The following ANKDD1A variants were observed in gnomAD, a reference collection of about 807,000 sequenced individuals.
The protein encoded by ANKDD1A is ankyrin repeat and death domain containing 1A.
Under a neutral mutation model 63.5 loss-of-function variants are expected in ANKDD1A, and 59 were observed. The observed-to-expected ratio is 0.93, with a 90% CI of 0.75 to 1.15. ANKDD1A has a LOEUF of 1.15. ANKDD1A is among the 50% of genes most tolerant of loss of function. The probability of loss-of-function intolerance (pLI) is 0.00; values close to 1 mark genes in which losing one functional copy is unlikely to be tolerated. For missense variants in ANKDD1A, 632 were observed against 656.4 expected, an observed-to-expected ratio of 0.96 and a Z score of 0.41; for synonymous variants, 266 against 263.9, an observed-to-expected ratio of 1.01 and a Z score of -0.08.
At chr15:64,937,151 T>C (rs2085140299) in intron 9 of ANKDD1A, among the ~76,000 whole-genome samples, 2 of 150,284 alleles carry the variant, frequency 1.3e-5, no homozygotes, top group Non-Finnish European at 2.9e-5. Context: ...TGTAGGGAAA[T>C]AGACACCTTC....
At chr15:64,952,857 CTTCTTCTTTTCTTCTCT>C (rs1319103002) in intron 14 of ANKDD1A, among the ~76,000 whole-genome samples, 1,236 of 21,242 alleles carry the variant, frequency 0.058, 23 homozygotes, top group African/African-American at 0.078. Context: ...GTCTCTTCTC[CTTCTTCTTTTCTTCTCT>C]TTCTTCTTCT....
Position 64,948,683 on chromosome 15 carries a change from G to A in ANKDD1A, c.1351+1090G>A, listed in dbSNP as rs540509421. 5.3e-5 allele frequency among the ~76,000 whole-genome samples: 8 copies of A among 151,968 alleles called. No individual in the cohort carries two copies. In the East Asian group the frequency reaches 1.4e-3, roughly 26 times the overall value. ...TCTACTAAAAATACAAAAATTAGCT[G>A]GGCATGATGGTCGGGTCCTGTAATC... On this transcript the variant is annotated intron_variant, in intron 13 of 14. Transcript: ENST00000319580.
intron 14 of ANKDD1A, among the ~76,000 whole-genome samples, chr15:64,954,984 C>T (rs935343389): frequency 6.6e-6 from 1 of 150,520 alleles, no homozygotes; most frequent in Non-Finnish European, 1.5e-5. Flanking sequence ...TCTTCTCCTG[C>T]TTCTCCTCTT....
chr15:64,952,710 C>G (rs2085317852), intron 14 of ANKDD1A, among the ~76,000 whole-genome samples: 1 of 135,786 alleles, frequency 7.4e-6, no homozygotes. Context: ...TAGTTCTTCT[C>G]CTTTCTTCTT....
chr15:64,953,268 TTCC>T lies in ANKDD1A; in HGVS notation c.1483+3299_1483+3301del, dbSNP rs1331096613. On this transcript the variant is annotated intron_variant, in intron 14 of 14. Transcript: ENST00000319580. ...TCCTCCTCTTTCTTCTTCTTAGTTC[TTCC>T]TCTTCTTTCCTTCTTCCTTCTTTCT... Among the ~76,000 whole-genome samples, 4 of 150,646 alleles carry T rather than the reference TTCC, an allele frequency of 2.7e-5. No individual in the cohort carries two copies. In the East Asian group the frequency reaches 5.8e-4, roughly 22 times the overall value.
At chr15:64,955,243 C>T (rs988193730) in intron 14 of ANKDD1A, among the ~76,000 whole-genome samples, 14 of 151,974 alleles carry the variant, frequency 9.2e-5, no homozygotes, top group African/African-American at 1.2e-4. Flanking sequence ...TCAGTAGAGA[C>T]GGGGTTTCAC....
Position 64,947,485 on chromosome 15 carries a change from C to G in ANKDD1A, c.1243C>G (p.Leu415Val). 1 of 1,613,854 alleles carries G rather than the reference C, an allele frequency of 6.2e-7. No homozygotes were observed. The highest frequency in any genetic ancestry group is 8.5e-7 in the Non-Finnish European group (1 of 1,179,912). ...RQETQQLRSVLWRLASRYLQP... is the reference protein window; with the variant it reads ...RQETQQLRSVVWRLASRYLQP... ...GGAAACACAGCAGCTCCGTTCTGTG[C>G]TGTGGCGGCTGGCCTCCAGGTATCT... Residue 415 changes from leucine (L) to valine (V), a missense_variant, in exon 13 of 15, where the codon CTG (leucine) becomes GTG (valine). Leu to Val is a conservative substitution (Grantham distance 32). Transcript: ENST00000319580.
intron 9 of ANKDD1A, among the ~76,000 whole-genome samples, chr15:64,935,568 A>G (rs1044330118): frequency 6.6e-6 from 1 of 151,680 alleles, no homozygotes; most frequent in Non-Finnish European, 1.5e-5. Context: ...CCAGCTACTC[A>G]GGAGGCTGAG....
intron 14 of ANKDD1A, 93 bp downstream of exon 14, chr15:64,950,065 G>A: frequency 6.4e-7 from 1 of 1,554,560 alleles, no homozygotes; most frequent in South Asian, 1.2e-5. Context: ...AGACAAGAAT[G>A]CTGTGATGCT....
intron 14 of ANKDD1A, chr15:64,950,878 T>A: frequency 8.5e-7 from 1 of 1,179,478 alleles, no homozygotes. Context: ...AACTGTGGCA[T>A]GCAATTAAAA....
At position 64,949,827 on chromosome 15, in the gene ANKDD1A, C is replaced by A; in HGVS notation, c.1352-14C>A. ...CTCCTTCTCCCTCTCTCTCTCCTCCCTCACTGTTCTCAGGCACCAGGAGCT... is the reference window on the plus strand; with the variant it reads ...CTCCTTCTCCCTCTCTCTCTCCTCCATCACTGTTCTCAGGCACCAGGAGCT... On this transcript the variant is annotated splice_polypyrimidine_tract_variant and intron_variant, in intron 13 of 14. Transcript: ENST00000319580. 6.3e-7 allele frequency: 1 copy of A among 1,599,512 alleles called. No individual in the cohort carries two copies. Among genetic ancestry groups the A allele is most frequent in the Non-Finnish European group, 8.5e-7 (1 of 1,178,966 alleles).
chr15:64,951,183 C>A, intron 14 of ANKDD1A: 2 of 1,052,920 alleles, frequency 1.9e-6, no homozygotes, highest in Non-Finnish European at 2.3e-6. Flanking sequence ...TGTTTGTACA[C>A]TGATCTTTTT....
At chr15:64,912,578 G>A (rs1478932727) in intron 1 of ANKDD1A, among the ~76,000 whole-genome samples, 3 of 152,228 alleles carry the variant, frequency 2.0e-5, no homozygotes. Context: ...CCTCTAGGCC[G>A]GGCAGCAGCG....
At chr15:64,940,472 G>A (rs1456084744) in intron 9 of ANKDD1A, among the ~76,000 whole-genome samples, 25 of 151,988 alleles carry the variant, frequency 1.6e-4, no homozygotes, top group Non-Finnish European at 2.9e-4. Flanking sequence ...TTGCTCTGTC[G>A]CCCAGGCTGG....
At chr15:64,915,470 C>G (rs900087611) in intron 1 of ANKDD1A, among the ~76,000 whole-genome samples, 22 of 152,284 alleles carry the variant, frequency 1.4e-4, no homozygotes, top group African/African-American at 4.8e-4. Context: ...TTTCCTTCCC[C>G]AAGAGCAGCT....
intron 9 of ANKDD1A, among the ~76,000 whole-genome samples, chr15:64,935,215 G>A (rs2085119892): frequency 8.5e-6 from 1 of 117,190 alleles, no homozygotes; most frequent in African/African-American, 3.2e-5. Flanking sequence ...GCAAGAGTGA[G>A]ACTCTGTCTC....
chr15:64,954,679 TTC>T, intron 14 of ANKDD1A, among the ~76,000 whole-genome samples: 4 of 149,062 alleles, frequency 2.7e-5, no homozygotes, highest in Non-Finnish European at 3.0e-5. Flanking sequence ...TCTCTTCTTC[TTC>T]TCTCCTTCTC....
chr15:64,954,937 C>G (rs1265917305), intron 14 of ANKDD1A, among the ~76,000 whole-genome samples: 1 of 147,110 alleles, frequency 6.8e-6, no homozygotes, highest in African/African-American at 2.5e-5. Flanking sequence ...TCTCCTTCTT[C>G]TTGTCTCTTC....
At position 64,926,187 on chromosome 15, in the gene ANKDD1A, GC is replaced by G. The variant is rs748879275; in HGVS notation, c.471+18del. On this transcript the variant is annotated intron_variant, in intron 5 of 14. Coordinates refer to ENST00000319580, the MANE Select transcript of ANKDD1A (RefSeq NM_182703.6). Reference sequence around the variant, plus strand: ...GTAGACAAGGTGAGAGTGCCTCAGGGCTACTCATCATTCCCATTGGGCGGGG... The same window carrying G: ...GTAGACAAGGTGAGAGTGCCTCAGGGTACTCATCATTCCCATTGGGCGGGG... 4.5e-5 allele frequency: 72 copies of G among 1,611,658 alleles called. No individual in the cohort carries two copies. In the South Asian group the frequency reaches 7.6e-4, roughly 17 times the overall value.
Sources: gnomAD v4.1 joint callset for allele counts (sites outside exome capture counted in the v4.1 genomes callset) on GRCh38, gnomAD v4.1.1 for gene constraint, MANE v1.5 for transcripts, NCBI Gene and HGNC (gene_info 2026-07-23, HGNC 2026-07-21) for gene names.